BCAT1: variants seen among roughly 807,000 people sequenced by gnomAD.
BCAT1 encodes the protein branched chain amino acid transaminase 1, also known as branched-chain-amino-acid aminotransferase, cytosolic.
Under a neutral mutation model 52.4 loss-of-function variants are expected in BCAT1, and 48 were observed. The ratio of observed to expected loss-of-function variants is 0.92; its 90% CI spans 0.73 to 1.16. The LOEUF (loss-of-function observed/expected upper bound fraction) is 1.16. Ranked by LOEUF, BCAT1 falls within the 50% of genes most tolerant of loss-of-function variation. The pLI, the probability that BCAT1 is intolerant of heterozygous loss-of-function variation, is 0.00. For synonymous variants in BCAT1, 167 were observed against 161.3 expected (o/e 1.04, Z -0.27); for missense variants, 451 against 457.1 (o/e 0.99, Z 0.12).
intron 8 of BCAT1, chr12:24,834,544 G>C: frequency 1.0e-6 from 1 of 971,310 alleles, no homozygotes. Flanking sequence ...AAAATAAGAT[G>C]AGTATTTTTT....
At chr12:24,824,337 A>T (rs569225386) in intron 10 of BCAT1, among the ~76,000 whole-genome samples, 1 of 147,824 alleles carries the variant, frequency 6.8e-6, no homozygotes, top group Non-Finnish European at 1.5e-5. Flanking sequence ...TCTACAGTGA[A>T]GGCTGGAGTG....
chr12:24,838,325 T>A (rs1219448180), intron 7 of BCAT1, among the ~76,000 whole-genome samples: 1 of 152,212 alleles, frequency 6.6e-6, no homozygotes, highest in Admixed American at 6.5e-5. Flanking sequence ...TTTTTTGAAT[T>A]TTGTTTCTGA....
chr12:24,899,984 C>T (rs1943054786), intron 2 of BCAT1, among the ~76,000 whole-genome samples: 1 of 152,038 alleles, frequency 6.6e-6, no homozygotes. Flanking sequence ...ATAAAGTCTA[C>T]TGTTCATAGC....
chr12:24,887,080 A>AAAAAAAAACAT (rs1245203518), intron 3 of BCAT1, among the ~76,000 whole-genome samples: 1 of 40,748 alleles, frequency 2.5e-5, no homozygotes, highest in Non-Finnish European at 5.2e-5. Context: ...AAAAAAAAAA[A>AAAAAAAAACAT]ATATATATAT....
chr12:24,899,310 A>G (rs558226459), intron 2 of BCAT1, among the ~76,000 whole-genome samples: 13 of 152,370 alleles, frequency 8.5e-5, no homozygotes, highest in African/African-American at 3.1e-4. Flanking sequence ...ATGTAGATTA[A>G]CAAAAAGGTA....
chr12:24,834,121 C>A (rs527701614), intron 8 of BCAT1: 2 of 978,050 alleles, frequency 2.0e-6, no homozygotes. Flanking sequence ...CCACTGTGCA[C>A]GGCTTACCTA....
chr12:24,903,002 G>A, intron 1 of BCAT1: 1 of 1,459,976 alleles, frequency 6.8e-7, no homozygotes, highest in Non-Finnish European at 9.0e-7. Flanking sequence ...GAGGCTGCGG[G>A]GACGCGGGGC....
chr12:24,859,578 G>A (rs1311846096), intron 5 of BCAT1, among the ~76,000 whole-genome samples: 21 of 140,870 alleles, frequency 1.5e-4, no homozygotes, highest in African/African-American at 3.1e-4. Context: ...CCGAGATGGC[G>A]CCACTGAACT....
chr12:24,835,887 G>A (rs932325551), intron 8 of BCAT1, among the ~76,000 whole-genome samples: 6 of 152,088 alleles, frequency 3.9e-5, no homozygotes, highest in South Asian at 2.1e-4. Context: ...CACTGCACCC[G>A]GTCCACCAAA....
chr12:24,926,910 C>T (rs1012026242), intron 1 of BCAT1, among the ~76,000 whole-genome samples: 1 of 151,924 alleles, frequency 6.6e-6, no homozygotes, highest in Non-Finnish European at 1.5e-5. Context: ...TGTCCTATGA[C>T]CCTGCCAAAT....
chr12:24,831,977 G>C (rs1241679604), intron 9 of BCAT1, among the ~76,000 whole-genome samples: 1 of 152,114 alleles, frequency 6.6e-6, no homozygotes. Flanking sequence ...TTTAGTAAAT[G>C]CACCAGGTTT....
chr12:24,854,338 A>G (rs1941601709), intron 5 of BCAT1, among the ~76,000 whole-genome samples: 1 of 152,266 alleles, frequency 6.6e-6, no homozygotes, highest in African/African-American at 2.4e-5. Context: ...GAGGCAGAAG[A>G]AATAAGATAA....
rs143546524 is a variant in BCAT1 at position 24,843,261 on chromosome 12, C to T, written c.675-1037G>A. The stretch of plus-strand genomic sequence containing the variant: ...AAAATATCTATTTAGGTCTCTTAGA[C>T]TCTTTTACATCTGGGTAAAATTACA... On this transcript the variant is annotated intron_variant, in intron 6 of 10. Coordinates refer to ENST00000261192, the MANE Select transcript of BCAT1 (RefSeq NM_005504.7). Among the ~76,000 whole-genome samples, 37 of 152,308 alleles carry T rather than the reference C, an allele frequency of 2.4e-4. No individual in the cohort carries two copies. In the East Asian group the frequency reaches 6.9e-3, roughly 29 times the overall value.
intron 5 of BCAT1, among the ~76,000 whole-genome samples, chr12:24,860,539 A>C (rs960589848): frequency 6.6e-6 from 1 of 152,354 alleles, no homozygotes; most frequent in South Asian, 2.1e-4. Flanking sequence ...CAGCATAGTA[A>C]TTTGCATATG....
intron 1 of BCAT1, among the ~76,000 whole-genome samples, chr12:24,925,432 G>A (rs924295252): frequency 6.6e-6 from 1 of 152,094 alleles, no homozygotes; most frequent in Non-Finnish European, 1.5e-5. Context: ...TCTCTTGATA[G>A]ATAGATAGAA....
At chr12:24,881,538 G>A (rs919082949) in intron 3 of BCAT1, 127 bp from the exon 4 acceptor site, 7 of 611,026 alleles carry the variant, frequency 1.1e-5, no homozygotes, top group Non-Finnish European at 2.0e-5. Flanking sequence ...ACCTCAACTT[G>A]AGATCATTAA....
chr12:24,830,023 C>T (rs973929946), intron 9 of BCAT1, 126 bp from the exon 10 acceptor site: 28 of 595,072 alleles, frequency 4.7e-5, no homozygotes, highest in Middle Eastern at 5.3e-4. Flanking sequence ...GCACTAAAAC[C>T]TACTGACTCT....
chr12:24,881,425 A>G lies in BCAT1; in HGVS notation c.280-14T>C. ...TCCTTCAAATAACTGGAGATCAAAGAGAAAAAATCTTAGAGGGTAACCAAA... is the reference window on the plus strand; with the variant it reads ...TCCTTCAAATAACTGGAGATCAAAGGGAAAAAATCTTAGAGGGTAACCAAA... On this transcript the variant is annotated splice_polypyrimidine_tract_variant and intron_variant, in intron 3 of 10. Coordinates refer to ENST00000261192, the MANE Select transcript of BCAT1 (RefSeq NM_005504.7). The G allele has an allele frequency of 6.4e-7, 1 of 1,559,646 alleles. No homozygotes were observed. The highest frequency in any genetic ancestry group is 8.8e-7 in the Non-Finnish European group (1 of 1,131,384).
rs114665832 is a variant in BCAT1, at chr12:24,818,969, T to C, written c.1120-920A>G. 4.1e-3 allele frequency among the ~76,000 whole-genome samples: 626 copies of C among 152,282 alleles called. 3 individuals are homozygous for C. Among genetic ancestry groups the C allele is most frequent in the African/African-American group, 0.014 (595 of 41,566 alleles). On this transcript the variant is annotated intron_variant, in intron 10 of 10. Transcript: ENST00000261192. ...GGCCAATGTCATCATGCCAGGAGTT[T>C]TACAGGCTTATTACCTCATTTAATA...
Sources: allele counts gnomAD v4.1 joint callset (sites outside exome capture counted in the v4.1 genomes callset), GRCh38; gene constraint gnomAD v4.1.1; transcripts MANE v1.5; gene names NCBI Gene and HGNC (gene_info 2026-07-23, HGNC 2026-07-21).